CD2AP: variants seen among roughly 807,000 people sequenced by gnomAD.
CD2AP encodes CD2-associated protein.
CD2AP carries 46 observed loss-of-function variants against 85.1 expected under a neutral mutation model. The ratio of observed to expected loss-of-function variants is 0.54; its 90% CI spans 0.43 to 0.69. The LOEUF is 0.69. Among genes scored for constraint, CD2AP ranks in the 30% least tolerant of loss-of-function variants. The pLI is 0.00. For missense variants in CD2AP, 769 were observed against 729.5 expected, an observed-to-expected ratio of 1.05 and a Z score of -0.62; for synonymous variants, 255 against 252.9, an observed-to-expected ratio of 1.01 and a Z score of -0.08.
At chr6:47,558,441 A>G (rs912615581) in intron 5 of CD2AP, among the ~76,000 whole-genome samples, 3 of 152,320 alleles carry the variant, frequency 2.0e-5, no homozygotes, top group Admixed American at 2.0e-4. Context: ...CCCATTCAGT[A>G]TGATAATGGC....
intron 11 of CD2AP, among the ~76,000 whole-genome samples, chr6:47,593,662 A>G (rs549124957): frequency 1.3e-5 from 2 of 152,172 alleles, no homozygotes; most frequent in East Asian, 1.9e-4. Context: ...TAAGTAATAA[A>G]TGTTTGCAAG....
chr6:47,518,321 A>C (rs1487861474), intron 2 of CD2AP, among the ~76,000 whole-genome samples: 1 of 152,264 alleles, frequency 6.6e-6, no homozygotes, highest in Non-Finnish European at 1.5e-5. Flanking sequence ...AGCTAGCATA[A>C]CATTAAGATA....
intron 4 of CD2AP, among the ~76,000 whole-genome samples, chr6:47,551,108 C>T (rs1321497653): frequency 1.3e-5 from 2 of 151,912 alleles, no homozygotes; most frequent in South Asian, 4.2e-4. Context: ...GATGGGTGCA[C>T]CAGAATCTCA....
intron 8 of CD2AP, among the ~76,000 whole-genome samples, 169 bp from the exon 9 acceptor site, chr6:47,579,216 T>G (rs1448470597): frequency 6.6e-6 from 1 of 151,692 alleles, no homozygotes. Context: ...ATTCCTGTGG[T>G]CCCAGCCACT....
intron 6 of CD2AP, among the ~76,000 whole-genome samples, chr6:47,576,040 G>A (rs1562039803): frequency 2.0e-5 from 3 of 152,110 alleles, no homozygotes; most frequent in African/African-American, 7.2e-5. Context: ...AGGGATTTAA[G>A]TTCTCAAGTG....
chr6:47,570,566 C>T (rs1372323935), intron 5 of CD2AP, among the ~76,000 whole-genome samples: 3 of 151,946 alleles, frequency 2.0e-5, no homozygotes, highest in African/African-American at 7.3e-5. Flanking sequence ...TGGCTGTTTT[C>T]CCTTTTATAC....
At position 47,503,360 on chromosome 6, in the gene CD2AP, G is replaced by A. The variant is rs746124377; in HGVS notation, c.85G>A (p.Val29Met). 10 of 1,613,764 alleles carry A rather than the reference G, an allele frequency of 6.2e-6. No individual in the cohort carries two copies. In the Admixed American group the frequency reaches 6.7e-5, roughly 11 times the overall value. Reference protein sequence around the residue: ...TIRVGEIIRNVKKLQEEGWLE... With the variant: ...TIRVGEIIRNMKKLQEEGWLE... ...TCGAGTTGGAGAAATCATCAGGAATGTGAAAAAGCTACAGGAGGAAGGGTG... is the reference window on the plus strand; with the variant it reads ...TCGAGTTGGAGAAATCATCAGGAATATGAAAAAGCTACAGGAGGAAGGGTG... The change falls in exon 2 of 18, where the codon GTG becomes ATG. Residue 29 changes from valine (V) to methionine (M), a missense_variant. Physicochemically the swap from Val to Met is conservative, Grantham distance 21 (BLOSUM62 1). Coordinates refer to ENST00000359314, the MANE Select transcript of CD2AP (RefSeq NM_012120.3).
intron 5 of CD2AP, among the ~76,000 whole-genome samples, chr6:47,566,839 C>T (rs1270086019): frequency 6.6e-6 from 1 of 152,126 alleles, no homozygotes; most frequent in Non-Finnish European, 1.5e-5. Context: ...GTATATGTAC[C>T]ACATTTTCTT....
Position 47,582,147 on chromosome 6 carries a change from T to C in CD2AP, c.1108+82T>C, listed in dbSNP as rs2275446. 0.64 allele frequency: 555,282 copies of C among 873,572 alleles called. 181,270 individuals carry two copies. Among genetic ancestry groups the C allele is most frequent in the Middle Eastern group, 0.71 (3,030 of 4,296 alleles). 54.1% of individuals were successfully genotyped at this position (873,572 alleles called of 1,614,324 possible). ...AGAGAATTATTTCTCCACACTGAGT[T>C]ATTTACACTGATTTTTAACAGGTAT... On this transcript the variant is annotated intron_variant, in intron 11 of 17. Transcript: ENST00000359314.
chr6:47,498,124 T>C (rs1765912763), intron 1 of CD2AP, among the ~76,000 whole-genome samples: 2 of 152,224 alleles, frequency 1.3e-5, no homozygotes, highest in African/African-American at 2.4e-5. Flanking sequence ...CATATTTTAA[T>C]TTTGCTGGAT....
rs1766317324 is a variant in CD2AP at position 47,511,723 on chromosome 6, G to T, written c.165+8283G>T. Among the ~76,000 whole-genome samples the T allele has an allele frequency of 1.3e-5, 2 of 152,102 alleles. 1 individual carries two copies. Among genetic ancestry groups the T allele is most frequent in the Admixed American group, 1.3e-4 (2 of 15,278 alleles). On this transcript the variant is annotated intron_variant, in intron 2 of 17. Transcript: ENST00000359314. ...AATACACAAATTAATAAGGTAGTTG[G>T]CTTTATCACTTCAGATGTGTATGTT... is the stretch of plus-strand genomic sequence containing the variant.
At chr6:47,517,840 G>T (rs574155963) in intron 2 of CD2AP, among the ~76,000 whole-genome samples, 1 of 152,180 alleles carries the variant, frequency 6.6e-6, no homozygotes, top group East Asian at 1.9e-4. Context: ...TGAAAAAAGG[G>T]ATATTAATAG....
At chr6:47,597,332 C>T (rs1368808033) in intron 12 of CD2AP, among the ~76,000 whole-genome samples, 1 of 150,722 alleles carries the variant, frequency 6.6e-6, no homozygotes, top group African/African-American at 2.4e-5. Context: ...AGCAGCTGAA[C>T]TCCTCCACTA....
chr6:47,497,833 TAC>T (rs1163333913), intron 1 of CD2AP, among the ~76,000 whole-genome samples: 1 of 152,250 alleles, frequency 6.6e-6, no homozygotes, highest in East Asian at 1.9e-4. Flanking sequence ...AAGGATAGCA[TAC>T]AGTTTTACAG....
intron 16 of CD2AP, among the ~76,000 whole-genome samples, chr6:47,610,436 A>G (rs572632126): frequency 8.5e-5 from 13 of 152,174 alleles, no homozygotes; most frequent in Admixed American, 2.6e-4. Flanking sequence ...GTATAAAAGA[A>G]CAAAAAATAA....
At chr6:47,562,848 A>C (rs1767897739) in intron 5 of CD2AP, 1 of 930,334 alleles carries the variant, frequency 1.1e-6, no homozygotes, top group South Asian at 1.3e-5. Context: ...AAATCAACCT[A>C]ATGAAGGTTG....
chr6:47,486,952 T>A (rs747917744), intron 1 of CD2AP, among the ~76,000 whole-genome samples: 17 of 152,212 alleles, frequency 1.1e-4, no homozygotes, highest in Non-Finnish European at 2.4e-4. Flanking sequence ...TCTCTAGGGA[T>A]TTTCTCATTC....
rs1765566905 is a variant in CD2AP, at chr6:47,486,426, ACG to A, written c.4+8179_4+8180del. On this transcript the variant is annotated intron_variant, in intron 1 of 17. Coordinates refer to ENST00000359314, the MANE Select transcript of CD2AP (RefSeq NM_012120.3). ...GTATGTGAATCCATTAGAAAAATAA[ACG>A]AGAGAGAGAGTATAGGGTCAGTGTC... Among the ~76,000 whole-genome samples the A allele has an allele frequency of 2.6e-5, 4 of 151,944 alleles. No individual in the cohort carries two copies. The South Asian group carries it at 8.4e-4, about 32-fold the overall frequency.
chr6:47,559,620 CAT>C (rs1361458396), intron 5 of CD2AP, among the ~76,000 whole-genome samples: 1 of 152,016 alleles, frequency 6.6e-6, no homozygotes, highest in Non-Finnish European at 1.5e-5. Flanking sequence ...TTCTATTAAA[CAT>C]AATTGATAAA....
Sources: gnomAD v4.1 joint callset for allele counts (sites outside exome capture counted in the v4.1 genomes callset) on GRCh38, gnomAD v4.1.1 for gene constraint, MANE v1.5 for transcripts, NCBI Gene and HGNC (gene_info 2026-07-23, HGNC 2026-07-21) for gene names.